Variants in KIF18A observed in about 807,000 individuals in gnomAD.
The protein encoded by KIF18A is kinesin family member 18A.
KIF18A carries 67 observed loss-of-function variants against 103.3 expected under a neutral mutation model. That is an observed-to-expected ratio of 0.65 (90% CI 0.53 to 0.79). KIF18A has a LOEUF of 0.79. Among genes scored for constraint, KIF18A ranks in the 30% least tolerant of loss-of-function variants. KIF18A has a pLI of 0.00. For missense variants in KIF18A, 1,032 were observed against 1,062.5 expected, an observed-to-expected ratio of 0.97 and a Z score of 0.40; for synonymous variants, 367 against 355.5, an observed-to-expected ratio of 1.03 and a Z score of -0.36.
chr11:28,090,566 T>C (rs780891435), intron 5 of KIF18A, 51 bp downstream of exon 5: 9 of 1,009,118 alleles, frequency 8.9e-6, no homozygotes, highest in African/African-American at 1.6e-5. Flanking sequence ...TGAATTTAGC[T>C]TCATTTATTT....
intron 12 of KIF18A, among the ~76,000 whole-genome samples, chr11:28,061,821 C>A (rs1269689298): frequency 6.6e-6 from 1 of 152,014 alleles, no homozygotes; most frequent in African/African-American, 2.4e-5. Context: ...AAGGAGTTGA[C>A]TGACGTATCC....
Position 28,036,511 on chromosome 11 carries a change from T to G in KIF18A, c.2102A>C (p.Gln701Pro). ...GTCTTCTGGTGTATATACAATAGGC[T>G]GAAGTTCTTTGCTAAGAGAATCATT... ...QLNDSLSKELQPIVYTPEDCR... is the reference protein window; with the variant it reads ...QLNDSLSKELPPIVYTPEDCR... Residue 701 changes from glutamine to proline, a missense_variant, in exon 14 of 17, where the codon CAG (glutamine) becomes CCG (proline). Gln to Pro is a moderately conservative substitution (Grantham distance 76). Transcript: ENST00000263181. 1 of 1,611,386 alleles carries G rather than the reference T, an allele frequency of 6.2e-7. No individual in the cohort carries two copies. Among genetic ancestry groups the G allele is most frequent in the Non-Finnish European group, 8.5e-7 (1 of 1,178,326 alleles).
chr11:28,037,596 A>G (rs749286305), intron 13 of KIF18A, among the ~76,000 whole-genome samples: 1 of 151,534 alleles, frequency 6.6e-6, no homozygotes, highest in Admixed American at 6.6e-5. Context: ...ATATTGAGAG[A>G]AAACTGTAGT....
intron 13 of KIF18A, among the ~76,000 whole-genome samples, chr11:28,058,662 C>CAAAAAAA (rs58273868): frequency 1.4e-4 from 9 of 64,438 alleles, no homozygotes; most frequent in East Asian, 7.6e-4. Context: ...ACCCTGTCAC[C>CAAAAAAA]AAAAAAAAAA....
chr11:28,065,765 C>T (rs1328209694), intron 11 of KIF18A, among the ~76,000 whole-genome samples: 1 of 151,934 alleles, frequency 6.6e-6, no homozygotes, highest in Non-Finnish European at 1.5e-5. Context: ...GTTCTTAGTA[C>T]TTCTGTAGTT....
chr11:28,053,334 A>C (rs1351441800), intron 13 of KIF18A, among the ~76,000 whole-genome samples: 1 of 151,860 alleles, frequency 6.6e-6, no homozygotes, highest in East Asian at 1.9e-4. Flanking sequence ...TGAAATTTGA[A>C]TGTTTTATAA....
chr11:28,084,762 A>G lies in KIF18A; in HGVS notation c.944T>C (p.Leu315Ser). ...GTTTCCTCCAAGAGAATCCTTTAAC[A>G]AGCGAGTAAGCTTACTATTTCTGTA... is the stretch of plus-strand genomic sequence containing the variant. ...IPYRNSKLTR[L>S]LKDSLGGNCQ... The change falls in exon 7 of 17, where the codon TTG (leucine) becomes TCG (serine). Residue 315 changes from leucine (L) to serine (S), a missense_variant. Transcript: ENST00000263181. 1 of 1,613,266 alleles carries G rather than the reference A, an allele frequency of 6.2e-7. No homozygotes were observed. Among genetic ancestry groups the G allele is most frequent in the South Asian group, 1.1e-5 (1 of 91,050 alleles).
intron 2 of KIF18A, among the ~76,000 whole-genome samples, chr11:28,095,384 A>G (rs1851355139): frequency 6.6e-6 from 1 of 152,218 alleles, no homozygotes; most frequent in Admixed American, 6.5e-5. Context: ...CTAAATGCTC[A>G]GCACAAATAT....
intron 13 of KIF18A, among the ~76,000 whole-genome samples, chr11:28,045,513 A>G (rs1850620366): frequency 6.6e-6 from 1 of 151,830 alleles, no homozygotes; most frequent in African/African-American, 2.4e-5. Context: ...TAATTATAAA[A>G]TATTTCCTTA....
intron 5 of KIF18A, among the ~76,000 whole-genome samples, chr11:28,089,748 ATTT>A (rs1255098305): frequency 6.6e-6 from 1 of 152,202 alleles, no homozygotes; most frequent in Non-Finnish European, 1.5e-5. Context: ...TTATTCAAAT[ATTT>A]TAAGCTACTC....
chr11:28,071,716 C>T (rs574043925), intron 10 of KIF18A, among the ~76,000 whole-genome samples: 1 of 152,004 alleles, frequency 6.6e-6, no homozygotes, highest in Admixed American at 6.5e-5. Flanking sequence ...ACTGCTATAA[C>T]AGAAGGTGGG....
chr11:28,053,664 C>T (rs1396080412), intron 13 of KIF18A, among the ~76,000 whole-genome samples: 1 of 151,586 alleles, frequency 6.6e-6, no homozygotes, highest in Non-Finnish European at 1.5e-5. Flanking sequence ...CTTTCCCCCA[C>T]CCCATAACAG....
In KIF18A at chr11:28,035,449, T is replaced by C. The variant is rs1487099396; in HGVS notation, c.2442A>G (p.Pro814=). 6.2e-7 allele frequency: 1 copy of C among 1,604,104 alleles called. No individual in the cohort carries two copies. The part of the protein sequence containing the change: ...SFSTKHSMPV[P]SMVPSYMAMT... ...TTGCCATGTAGGATGGCACCATGCT[T>C]GGTACAGGCATAGAATGCTTAGTTG... is the stretch of plus-strand genomic sequence containing the variant. Residue 814 remains proline, a synonymous_variant, in exon 15 of 17, where the codon CCA becomes CCG. Coordinates refer to ENST00000263181, the MANE Select transcript of KIF18A (RefSeq NM_031217.4).
At chr11:28,031,173 C>T (rs528874277) in intron 15 of KIF18A, among the ~76,000 whole-genome samples, 11 of 152,218 alleles carry the variant, frequency 7.2e-5, no homozygotes, top group East Asian at 5.8e-4. Context: ...CCAGCCATGT[C>T]GTTACTGGGT....
At position 28,088,806 on chromosome 11, in the gene KIF18A, A is replaced by G. The variant is rs1851265430; in HGVS notation, c.700-85T>C. On this transcript the variant is annotated intron_variant, in intron 5 of 16. Transcript: ENST00000263181. ...AATATATACTTTAATAGAGCACAAA[A>G]TCAAAATTATTTTCATTTTAAAAAA... is the stretch of plus-strand genomic sequence containing the variant. 4 of 1,020,970 alleles carry G rather than the reference A, an allele frequency of 3.9e-6. No individual in the cohort carries two copies. In the South Asian group the frequency reaches 4.4e-5, roughly 11 times the overall value. The allele number at this position is 1,020,970 out of a possible 1,614,324, so 63.2% of individuals were successfully genotyped here.
At chr11:28,093,769 G>A (rs1851332978) in intron 3 of KIF18A, among the ~76,000 whole-genome samples, 1 of 152,020 alleles carries the variant, frequency 6.6e-6, no homozygotes, top group South Asian at 2.1e-4. Context: ...AAGAAATGAT[G>A]GAATTTAAAA....
At chr11:28,080,380 G>A (rs146522099) in intron 9 of KIF18A, among the ~76,000 whole-genome samples, 1 of 149,320 alleles carries the variant, frequency 6.7e-6, no homozygotes, top group East Asian at 2.0e-4. Flanking sequence ...CAAACTGAAG[G>A]TTTGTGGCAA....
intron 13 of KIF18A, among the ~76,000 whole-genome samples, chr11:28,045,112 G>A (rs1310563900): frequency 1.3e-5 from 2 of 151,950 alleles, no homozygotes; most frequent in Non-Finnish European, 2.9e-5. Flanking sequence ...TGTAATAAAA[G>A]CAATAAATTG....
chr11:28,091,285 T>G lies in KIF18A; in HGVS notation c.588+124A>C, dbSNP rs567007312. On this transcript the variant is annotated intron_variant, in intron 4 of 16. Coordinates refer to ENST00000263181, the MANE Select transcript of KIF18A (RefSeq NM_031217.4). ...AAGACTAAAAATATACCCTAATCAT[T>G]TAAATTCTGTACCTCATTAGTTTTT... The G allele has an allele frequency of 7.7e-5, 45 of 584,566 alleles. No homozygotes were observed. In the East Asian group the frequency reaches 1.2e-3, roughly 15 times the overall value. The allele number at this position is 584,566 out of a possible 1,614,324, so 36.2% of individuals were successfully genotyped here.
Sources: allele counts gnomAD v4.1 joint callset (sites outside exome capture counted in the v4.1 genomes callset), GRCh38; gene constraint gnomAD v4.1.1; transcripts MANE v1.5; gene names NCBI Gene and HGNC (gene_info 2026-07-23, HGNC 2026-07-21).